The following SAMD11 variants were observed in gnomAD, a reference collection of about 807,000 sequenced individuals.
SAMD11 encodes the protein sterile alpha motif domain containing 11, also known as sterile alpha motif domain-containing protein 11.
In SAMD11, 77 loss-of-function variants were observed where a neutral mutation model predicts 64.4. That is an observed-to-expected ratio of 1.20 (90% CI 0.99 to 1.44). SAMD11 has a LOEUF of 1.44. SAMD11 is among the 40% of genes most tolerant of loss of function. The probability of loss-of-function intolerance (pLI) is 0.00; values close to 1 mark genes in which losing one functional copy is unlikely to be tolerated. For synonymous variants in SAMD11, 658 were observed against 421.9 expected, an observed-to-expected ratio of 1.56 and a Z score of -6.86; for missense variants, 1,402 against 943.3, an observed-to-expected ratio of 1.49 and a Z score of -6.37.
Position 943,314 on chromosome 1 carries a change from G to T in SAMD11, c.2115G>T (p.Lys705Asn), listed in dbSNP as rs780287958. ...EEAPAPEDVT[K>N]WTVDDVCSFV... is the part of the protein sequence containing the mutation. ...CCCCAGCCCCTGAGGACGTCACCAA[G>T]TGGACCGTGGATGACGTCTGCAGCT... Residue 705 changes from lysine (K) to asparagine (N), a missense_variant, in exon 12 of 14, where the codon AAG (lysine) becomes AAT (asparagine). Lys to Asn is a moderately conservative substitution (Grantham distance 94). Coordinates refer to ENST00000616016, the MANE Select transcript of SAMD11 (RefSeq NM_001385641.1). 17 of 1,611,754 alleles carry T rather than the reference G, an allele frequency of 1.1e-5. No individual in the cohort carries two copies. Among genetic ancestry groups the T allele is most frequent in the Admixed American group, 3.3e-5 (2 of 59,838 alleles).
chr1:935,079 C>T (rs910137948), intron 4 of SAMD11, among the ~76,000 whole-genome samples: 2 of 152,252 alleles, frequency 1.3e-5, no homozygotes, highest in South Asian at 2.1e-4. Context: ...CCACACAGTT[C>T]GTCTCATTGC....
Position 931,085 on chromosome 1 carries a change from T to G in SAMD11, c.838T>G (p.Cys280Gly). The G allele has an allele frequency of 6.2e-7, 1 of 1,612,400 alleles. No homozygotes were observed. The highest frequency in any genetic ancestry group is 1.1e-5 in the South Asian group (1 of 91,048). The change falls in exon 4 of 14, where the codon TGC becomes GGC. Residue 280 changes from cysteine to glycine, a missense_variant. Coordinates refer to ENST00000616016, the MANE Select transcript of SAMD11 (RefSeq NM_001385641.1). Reference protein sequence around the residue: ...DVNISFREASCSQDGNLPTLI... With the variant: ...DVNISFREASGSQDGNLPTLI... The stretch of plus-strand genomic sequence containing the variant: ...GAACATCTCTTTCCGAGAGGCGTCC[T>G]GCAGGTAGGAGCCGTGCTGTGCGTG...
chr1:924,672 C>G lies in SAMD11; in HGVS notation c.241C>G (p.Pro81Ala), dbSNP rs1232710512. The G allele has an allele frequency of 6.6e-6, 1 of 152,224 alleles. No homozygotes were observed. Among genetic ancestry groups the G allele is most frequent in the Admixed American group, 6.5e-5 (1 of 15,268 alleles). 9.4% of individuals were successfully genotyped at this position (152,224 alleles called of 1,614,324 possible). ...CTACCTCAGCCTGCACGAGGCCGCC[C>G]CGCACCTCCACCTGCCCAGGGACCC... ...RAYLSLHEAAPHLHLPRDPLA... is the reference protein window; with the variant it reads ...RAYLSLHEAAAHLHLPRDPLA... The change falls in exon 1 of 14, where the codon CCG becomes GCG. Residue 81 changes from proline to alanine, a missense_variant. By Grantham distance (27) the Pro-to-Ala change is conservative. Transcript: ENST00000616016.
Position 944,108 on chromosome 1 carries a change from G to C in SAMD11, c.2490G>C (p.Leu830Phe), listed in dbSNP as rs1296632734. Residue 830 changes from leucine to phenylalanine, a missense_variant, in exon 14 of 14, where the codon TTG becomes TTC. By Grantham distance (22) the Leu-to-Phe change is conservative. Coordinates refer to ENST00000616016, the MANE Select transcript of SAMD11 (RefSeq NM_001385641.1). The stretch of plus-strand genomic sequence containing the variant: ...CACCCAAGCAGGAGAATGGGACCTT[G>C]GCTCTACTTCCAGGGGCCCCCGACC... ...QTSPKQENGT[L>F]ALLPGAPDPS... is the part of the protein sequence containing the mutation. The C allele has an allele frequency of 2.5e-6, 4 of 1,607,648 alleles. No individual in the cohort carries two copies. Among genetic ancestry groups the C allele is most frequent in the Admixed American group, 3.4e-5 (2 of 59,530 alleles).
rs1332833811 is a variant in SAMD11 at position 943,709 on chromosome 1, G to A, written c.2190G>A (p.Glu730=). The change falls in exon 13 of 14, where the codon GAG becomes GAA. Residue 730 remains glutamate (E), a synonymous_variant. Coordinates refer to ENST00000616016, the MANE Select transcript of SAMD11 (RefSeq NM_001385641.1). ...GCGEYTRVFR[E]QGIDGETLPL... ...CCTCCCCCTTCCAGGTCTTCAGGGA[G>A]CAGGGGATCGACGGGGAGACCCTGC... The A allele has an allele frequency of 6.3e-7, 1 of 1,586,618 alleles. No homozygotes were observed. The highest frequency in any genetic ancestry group is 2.2e-5 in the East Asian group (1 of 44,478).
intron 5 of SAMD11, among the ~76,000 whole-genome samples, chr1:938,738 C>T (rs932889825): frequency 6.6e-6 from 1 of 152,182 alleles, no homozygotes; most frequent in Non-Finnish European, 1.5e-5. Flanking sequence ...GAGAGGGGGG[C>T]TCGTTAACTT....
At chr1:940,566 C>G (rs970456337) in intron 7 of SAMD11, 19 of 152,418 alleles carry the variant, frequency 1.2e-4, no homozygotes, top group African/African-American at 4.6e-4. Flanking sequence ...GCCGAGAGAC[C>G]TGGGACGCGG....
chr1:939,364 A>G lies in SAMD11; in HGVS notation c.1147A>G (p.Thr383Ala). ...RLVSALSEAS[T>A]FEDPQRLYHL... Reference sequence around the variant, plus strand: ...TGTGTCAGCACTGAGCGAGGCCAGCACCTTTGAGGACCCTCAGCGCCTCTA... The same window carrying G: ...TGTGTCAGCACTGAGCGAGGCCAGCGCCTTTGAGGACCCTCAGCGCCTCTA... Residue 383 changes from threonine to alanine, a missense_variant, in exon 7 of 14, where the codon ACC becomes GCC. Coordinates refer to ENST00000616016, the MANE Select transcript of SAMD11 (RefSeq NM_001385641.1). 1 of 1,609,464 alleles carries G rather than the reference A, an allele frequency of 6.2e-7. No individual in the cohort carries two copies. The highest frequency in any genetic ancestry group is 8.5e-7 in the Non-Finnish European group (1 of 1,179,686).
chr1:939,006 G>A (rs1174067478), intron 5 of SAMD11, 34 bp from the exon 6 acceptor site: 1 of 1,549,590 alleles, frequency 6.5e-7, no homozygotes, highest in East Asian at 2.3e-5. Context: ...TCCATTCCTT[G>A]AGATGCAGGT....
At chr1:928,281 A>G (rs1398590124) in intron 2 of SAMD11, among the ~76,000 whole-genome samples, 6 of 152,188 alleles carry the variant, frequency 3.9e-5, no homozygotes. Context: ...AGTCCCAGCT[A>G]CTTGGGAGGC....
At position 925,797 on chromosome 1, in the gene SAMD11, C is replaced by G. The variant is rs889893186; in HGVS notation, c.518-125C>G. 4.4e-6 allele frequency: 3 copies of G among 688,242 alleles called. No individual in the cohort carries two copies. In the Admixed American group the frequency reaches 6.3e-5, roughly 14 times the overall value. 42.6% of individuals were successfully genotyped at this position (688,242 alleles called of 1,614,324 possible). A position where few individuals can be genotyped will look rare whatever the true frequency, so the allele number is the denominator to read the frequency against. ...CGGGAAGCGGGCTGGGAAGTCGGGC[C>G]GAGGTGGGTGTGGGGTTCGGGGTGT... On this transcript the variant is annotated intron_variant, in intron 1 of 13. Transcript: ENST00000616016.
At chr1:929,126 C>T (rs1344333829) in intron 2 of SAMD11, among the ~76,000 whole-genome samples, 1 of 152,230 alleles carries the variant, frequency 6.6e-6, no homozygotes, top group Non-Finnish European at 1.5e-5. Flanking sequence ...GGTGGCAGGA[C>T]CTAGAAACAC....
chr1:930,287 C>G lies in SAMD11; in HGVS notation c.742C>G (p.Pro248Ala). 6.2e-7 allele frequency: 1 copy of G among 1,608,780 alleles called. No individual in the cohort carries two copies. The highest frequency in any genetic ancestry group is 2.2e-5 in the East Asian group (1 of 44,680). Residue 248 changes from proline (P) to alanine (A), a missense_variant, in exon 3 of 14, where the codon CCA (proline) becomes GCA (alanine). Transcript: ENST00000616016. ...DGSGPTCGRR[P>A]GLKQEDGPHI... ...GAGTGGCCCCACCTGTGGGCGGCGG[C>G]CAGGCTTGAAGCAGGAGGATGGTCC...
chr1:932,674 A>G (rs1641226189), intron 4 of SAMD11, among the ~76,000 whole-genome samples: 1 of 152,194 alleles, frequency 6.6e-6, no homozygotes, highest in African/African-American at 2.4e-5. Context: ...ACACACTGCC[A>G]GGCCACCTCC....
rs1409423831 is a variant in SAMD11 at position 942,890 on chromosome 1, C to G, written c.1885C>G (p.Pro629Ala). The change falls in exon 11 of 14, where the codon CCC becomes GCC. Residue 629 changes from proline (P) to alanine (A), a missense_variant. By Grantham distance (27) the Pro-to-Ala change is conservative. Transcript: ENST00000616016. ...WAQDGSEDEP[P>A]KDSDGEDPET... is the part of the protein sequence containing the mutation. ...ACAAGATGGCTCGGAAGACGAGCCCCCCAAAGACTCGGACGGAGAGGACCC... is the reference window on the plus strand; with the variant it reads ...ACAAGATGGCTCGGAAGACGAGCCCGCCAAAGACTCGGACGGAGAGGACCC... The G allele has an allele frequency of 3.2e-6, 5 of 1,555,526 alleles. No individual in the cohort carries two copies. The African/African-American group carries it at 4.1e-5, about 13-fold the overall frequency.
Position 944,264 on chromosome 1 carries a change from A to C in SAMD11, c.*111A>C, listed in dbSNP as rs1642013658. Reference sequence around the variant, plus strand: ...TTTCGGTTTCGGATGCAAAACAAAAAATTTTAAAAGAAAATGTGACTTCAA... The same window carrying C: ...TTTCGGTTTCGGATGCAAAACAAAACATTTTAAAAGAAAATGTGACTTCAA... On this transcript the variant is annotated 3_prime_UTR_variant, in exon 14 of 14. Coordinates refer to ENST00000616016, the MANE Select transcript of SAMD11 (RefSeq NM_001385641.1). The C allele has an allele frequency of 2.8e-6, 4 of 1,453,672 alleles. No individual in the cohort carries two copies. The highest frequency in any genetic ancestry group is 3.6e-6 in the Non-Finnish European group (4 of 1,105,140). The allele number at this position is 1,453,672 out of a possible 1,614,324, so 90.0% of individuals were successfully genotyped here. A position where few individuals can be genotyped will look rare whatever the true frequency, so the allele number is the denominator to read the frequency against.
intron 5 of SAMD11, among the ~76,000 whole-genome samples, chr1:938,052 G>A (rs1477294445): frequency 6.6e-6 from 1 of 152,212 alleles, no homozygotes; most frequent in Admixed American, 6.5e-5. Flanking sequence ...CCCTCATGAG[G>A]ATGAGGAAGG....
intron 7 of SAMD11, 192 bp from the exon 8 acceptor site, chr1:940,952 G>A (rs1292432417): frequency 2.1e-5 from 11 of 528,590 alleles, no homozygotes; most frequent in Admixed American, 3.8e-5. Context: ...ACACTTCCTC[G>A]CCCAGCATCT....
Position 939,306 on chromosome 1 carries a change from C to G in SAMD11, c.1089C>G (p.Pro363=). Reference sequence around the variant, plus strand: ...TGCTGCTGCCGCGGGAGCTGGGGCCCAGCATGGCCCCGGAGGACCATTACC... The same window carrying G: ...TGCTGCTGCCGCGGGAGCTGGGGCCGAGCATGGCCCCGGAGGACCATTACC... ...EALLLPRELG[P]SMAPEDHYRR... Residue 363 remains proline (P), a synonymous_variant, in exon 7 of 14, where the codon CCC becomes CCG. Transcript: ENST00000616016. The G allele has an allele frequency of 6.2e-7, 1 of 1,610,442 alleles. No homozygotes were observed.
Sources: allele counts gnomAD v4.1 joint callset (sites outside exome capture counted in the v4.1 genomes callset), GRCh38; gene constraint gnomAD v4.1.1; transcripts MANE v1.5; gene names NCBI Gene and HGNC (gene_info 2026-07-23, HGNC 2026-07-21).